The following URB1 variants were observed in gnomAD, a reference collection of about 807,000 sequenced individuals.
URB1 encodes URB1 ribosome biogenesis factor.
URB1 carries 197 observed loss-of-function variants against 242.3 expected under a neutral mutation model. The ratio of observed to expected loss-of-function variants is 0.81; its 90% CI spans 0.72 to 0.91. The LOEUF (loss-of-function observed/expected upper bound fraction) is 0.91, where lower values mean the gene tolerates loss of function less well. URB1 is among the 40% of genes least tolerant of loss of function. URB1 has a pLI of 0.00. For missense variants in URB1, 2,721 were observed against 2,860.5 expected, an observed-to-expected ratio of 0.95 and a Z score of 1.11; for synonymous variants, 1,153 against 1,201.8, an observed-to-expected ratio of 0.96 and a Z score of 0.84.
chr21:32,337,366 C>T, intron 27 of URB1, 38 bp downstream of exon 27: 2 of 1,530,162 alleles, frequency 1.3e-6, no homozygotes, highest in Non-Finnish European at 1.8e-6. Context: ...CCCTCACTCC[C>T]TCCCCCTGCT....
In URB1 at chr21:32,345,416, T is replaced by C; in HGVS notation, c.4028A>G (p.Asp1343Gly). 1.9e-6 allele frequency: 3 copies of C among 1,550,560 alleles called. No homozygotes were observed. The highest frequency in any genetic ancestry group is 2.6e-6 in the Non-Finnish European group (3 of 1,146,874). ...GGTGTGAAGCAAGCTGGGCAGGCGG[T>C]CCATGAGTACACTGAGATCCTTGGC... Reference protein sequence around the residue: ...ARAKDLSVLMDRLPSLLHTPS... With the variant: ...ARAKDLSVLMGRLPSLLHTPS... Residue 1343 changes from aspartate (D) to glycine (G), a missense_variant, in exon 23 of 39, where the codon GAC becomes GGC. Asp to Gly is a moderately conservative substitution (Grantham distance 94). Transcript: ENST00000382751.
chr21:32,331,924 G>A (rs2032897849), intron 30 of URB1, among the ~76,000 whole-genome samples: 1 of 152,220 alleles, frequency 6.6e-6, no homozygotes, highest in African/African-American at 2.4e-5. Flanking sequence ...GGGTGTCAGA[G>A]GAAGCCTAGC....
chr21:32,346,763 G>A (rs966893739), intron 22 of URB1, among the ~76,000 whole-genome samples, 193 bp downstream of exon 22: 4 of 152,190 alleles, frequency 2.6e-5, no homozygotes, highest in Non-Finnish European at 4.4e-5. Flanking sequence ...CCACAAAGTA[G>A]GGAGACTGAA....
Position 32,317,748 on chromosome 21 carries a change from T to A in URB1, c.5962A>T (p.Ile1988Phe). ...TCCTGGAGCTTGAGGTCTCTTTCAA[T>A]GAGGCTCCACTTGTGCAAGAGGACA... ...VLVLLHKWSL[I>F]ERDLKLQEDL... The change falls in exon 37 of 39, where the codon ATT becomes TTT. Residue 1988 changes from isoleucine to phenylalanine, a missense_variant. Physicochemically the swap from Ile to Phe is conservative, Grantham distance 21. Coordinates refer to ENST00000382751, the MANE Select transcript of URB1 (RefSeq NM_014825.3). 6.4e-7 allele frequency: 1 copy of A among 1,551,876 alleles called. No homozygotes were observed. Among genetic ancestry groups the A allele is most frequent in the Non-Finnish European group, 8.7e-7 (1 of 1,147,038 alleles).
chr21:32,361,232 G>C (rs1327228234), intron 12 of URB1, 109 bp from the exon 13 acceptor site: 5 of 621,644 alleles, frequency 8.0e-6, no homozygotes, highest in Non-Finnish European at 1.2e-5. Flanking sequence ...AAACATACTG[G>C]TTCTTTGTCC....
rs749911188 is a variant in URB1 at position 32,324,616 on chromosome 21, C to T, written c.5122-14G>A. The T allele has an allele frequency of 4.6e-6, 7 of 1,538,282 alleles. No individual in the cohort carries two copies. The highest frequency in any genetic ancestry group is 6.2e-6 in the Non-Finnish European group (7 of 1,134,852). ...CAGGTAAAGTAGCTTGAAAACAGAA[C>T]AGAAAAGGAAAATGTAAGATGAGCG... On this transcript the variant is annotated splice_polypyrimidine_tract_variant and intron_variant, in intron 31 of 38. Coordinates refer to ENST00000382751, the MANE Select transcript of URB1 (RefSeq NM_014825.3).
rs571393778 is a variant in URB1, at chr21:32,315,019, C to T, written c.6715G>A (p.Val2239Ile). 74 of 1,551,590 alleles carry T rather than the reference C, an allele frequency of 4.8e-5. No individual in the cohort carries two copies. In the African/African-American group the frequency reaches 7.0e-4, roughly 15 times the overall value. ...TCTGCGGCCTCACACACCATCCGGA[C>T]GTGGGTTAAGAGGGTGTCCGGCCGC... ...AQRPDTLLTH[V>I]RMVCEAADDA... The change falls in exon 39 of 39, where the codon GTC becomes ATC. Residue 2239 changes from valine to isoleucine, a missense_variant. Val to Ile is a conservative substitution (Grantham distance 29). Coordinates refer to ENST00000382751, the MANE Select transcript of URB1 (RefSeq NM_014825.3).
At position 32,368,613 on chromosome 21, in the gene URB1, C is replaced by A; in HGVS notation, c.1002-15G>T. The A allele has an allele frequency of 6.5e-7, 1 of 1,545,360 alleles. No homozygotes were observed. The highest frequency in any genetic ancestry group is 8.7e-7 in the Non-Finnish European group (1 of 1,144,456). ...GGTTTCCGCCTCTGTTAGAGAAAGA[C>A]ACATGGGGAGAGGTCAGCAGAAAAT... On this transcript the variant is annotated splice_polypyrimidine_tract_variant and intron_variant, in intron 8 of 38. Transcript: ENST00000382751.
intron 4 of URB1, among the ~76,000 whole-genome samples, chr21:32,379,862 C>T (rs1332941262): frequency 2.0e-5 from 3 of 151,838 alleles, no homozygotes; most frequent in Non-Finnish European, 4.4e-5. Flanking sequence ...TGGTGGTAGG[C>T]GCCTATAATC....
At chr21:32,358,992 G>C (rs2033255412) in intron 14 of URB1, among the ~76,000 whole-genome samples, 1 of 152,184 alleles carries the variant, frequency 6.6e-6, no homozygotes, top group Non-Finnish European at 1.5e-5. Flanking sequence ...CAGTAAGAAT[G>C]ATCCTCAGCT....
At position 32,353,957 on chromosome 21, in the gene URB1, G is replaced by A. The variant is rs2033188554; in HGVS notation, c.2392C>T (p.Leu798Phe). 3.9e-6 allele frequency: 6 copies of A among 1,551,642 alleles called. No individual in the cohort carries two copies. Among genetic ancestry groups the A allele is most frequent in the Non-Finnish European group, 5.2e-6 (6 of 1,147,012 alleles). ...PAALEARNKL[L>F]LGTGNEAAEN... is the part of the protein sequence containing the mutation. ...CCTGCTTCATTGCCTGTCCCAAGGA[G>A]CAACTTATTCCTGGCTTCCAGGGCC... Residue 798 changes from leucine to phenylalanine, a missense_variant, in exon 18 of 39, where the codon CTC becomes TTC. Transcript: ENST00000382751.
At chr21:32,327,493 C>G (rs1222766817) in intron 30 of URB1, among the ~76,000 whole-genome samples, 1 of 151,776 alleles carries the variant, frequency 6.6e-6, no homozygotes, top group Non-Finnish European at 1.5e-5. Context: ...AAAGCTAAAA[C>G]AATTGGTCAC....
chr21:32,335,932 G>GTGAC (rs2032953845), intron 28 of URB1, among the ~76,000 whole-genome samples: 2 of 152,344 alleles, frequency 1.3e-5, no homozygotes, highest in Non-Finnish European at 1.5e-5. Flanking sequence ...GCCCTGTCCT[G>GTGAC]TGACTCCCTG....
Position 32,361,876 on chromosome 21 carries a change from A to T in URB1, c.1639+16T>A. 1.3e-6 allele frequency: 2 copies of T among 1,549,860 alleles called. No homozygotes were observed. The highest frequency in any genetic ancestry group is 1.7e-6 in the Non-Finnish European group (2 of 1,146,502). On this transcript the variant is annotated intron_variant, in intron 12 of 38. Transcript: ENST00000382751. ...ATGCAAAAGGCAGAGGGTCCCCCTC[A>T]CCCCTGAGACCTTACCGCACTGGTG...
rs947188977 is a variant in URB1, at chr21:32,313,953, C to G, written c.*965G>C. The G allele has an allele frequency of 5.9e-5, 9 of 153,064 alleles. No homozygotes were observed. Among genetic ancestry groups the G allele is most frequent in the African/African-American group, 2.2e-4 (9 of 41,426 alleles). 9.5% of individuals were successfully genotyped at this position (153,064 alleles called of 1,614,324 possible). ...AACAATGAAAGGAAAACACAAAAAC[C>G]TTACAAAAATAGACATTAACAAGCA... On this transcript the variant is annotated 3_prime_UTR_variant, in exon 39 of 39. Coordinates refer to ENST00000382751, the MANE Select transcript of URB1 (RefSeq NM_014825.3).
rs1431893591 is a variant in URB1 at position 32,313,359 on chromosome 21, T to A, written c.*1559A>T. 1.3e-5 allele frequency: 2 copies of A among 152,252 alleles called. No individual in the cohort carries two copies. The highest frequency in any genetic ancestry group is 4.8e-5 in the African/African-American group (2 of 41,458). 9.4% of individuals were successfully genotyped at this position (152,252 alleles called of 1,614,324 possible). A position where few individuals can be genotyped will look rare whatever the true frequency, so the allele number is the denominator to read the frequency against. Reference sequence around the variant, plus strand: ...CAAAGATAGGCCTTGGAGAGGTGGATAAAGATTAAGGGGAACCAGGAAGAG... The same window carrying A: ...CAAAGATAGGCCTTGGAGAGGTGGAAAAAGATTAAGGGGAACCAGGAAGAG... On this transcript the variant is annotated 3_prime_UTR_variant, in exon 39 of 39. Transcript: ENST00000382751.
intron 32 of URB1, among the ~76,000 whole-genome samples, chr21:32,323,822 A>G (rs2032795453): frequency 6.6e-6 from 1 of 152,088 alleles, no homozygotes; most frequent in African/African-American, 2.4e-5. Flanking sequence ...AAAATTAGCC[A>G]GGCGTGGTGG....
chr21:32,352,598 T>C (rs1441188630), intron 19 of URB1, 112 bp downstream of exon 19: 1 of 1,303,660 alleles, frequency 7.7e-7, no homozygotes, highest in Non-Finnish European at 1.1e-6. Flanking sequence ...GGTAAGAAAT[T>C]TCACCCTGCA....
At chr21:32,333,493 T>A in intron 29 of URB1, 74 bp from the exon 30 acceptor site, 1 of 1,145,846 alleles carries the variant, frequency 8.7e-7, no homozygotes, top group South Asian at 1.5e-5. Flanking sequence ...ATCTCTTATC[T>A]GAAACACCTG....
Sources: gnomAD v4.1 joint callset for allele counts (sites outside exome capture counted in the v4.1 genomes callset) on GRCh38, gnomAD v4.1.1 for gene constraint, MANE v1.5 for transcripts, NCBI Gene and HGNC (gene_info 2026-07-23, HGNC 2026-07-21) for gene names.